Variants in POLR3A observed in about 807,000 individuals in gnomAD.
POLR3A encodes the protein RNA polymerase III subunit A.
POLR3A carries 112 observed loss-of-function variants against 152.8 expected under a neutral mutation model. The observed-to-expected ratio is 0.73, with a 90% CI of 0.63 to 0.86. The LOEUF (loss-of-function observed/expected upper bound fraction) is 0.86. Ranked by LOEUF, POLR3A falls within the 40% of genes least tolerant of loss-of-function variation. The pLI, the probability that POLR3A is intolerant of heterozygous loss-of-function variation, is 0.00. For synonymous variants in POLR3A, 615 were observed against 652.1 expected (o/e 0.94, Z 0.87); for missense variants, 1,385 against 1,743.1 (o/e 0.79, Z 3.66).
At chr10:78,016,743 G>A (rs1307234646) in intron 10 of POLR3A, among the ~76,000 whole-genome samples, 2 of 150,700 alleles carry the variant, frequency 1.3e-5, no homozygotes, top group Admixed American at 6.6e-5. Flanking sequence ...TGGCCATCAT[G>A]GCACATGCCT....
chr10:78,026,369 C>T, intron 1 of POLR3A, 140 bp from the exon 2 acceptor site: 1 of 830,786 alleles, frequency 1.2e-6, no homozygotes, highest in Non-Finnish European at 2.0e-6. Flanking sequence ...TATATTTAAC[C>T]CTCTCTCATT....
At chr10:78,007,910 T>C in intron 14 of POLR3A, 44 bp from the exon 15 acceptor site, 1 of 1,550,222 alleles carries the variant, frequency 6.5e-7, no homozygotes. Context: ...ATTTATTACT[T>C]TGCCTTATTC....
intron 19 of POLR3A, among the ~76,000 whole-genome samples, chr10:77,999,349 G>T (rs1336842262): frequency 6.6e-6 from 1 of 151,954 alleles, no homozygotes; most frequent in Non-Finnish European, 1.5e-5. Context: ...AGAGTACAGG[G>T]ATTGAAAAGA....
intron 20 of POLR3A, among the ~76,000 whole-genome samples, chr10:77,991,816 C>A (rs1368530187): frequency 6.6e-6 from 1 of 152,210 alleles, no homozygotes; most frequent in Non-Finnish European, 1.5e-5. Context: ...TGAGCCCCAG[C>A]AGAATTTCCT....
intron 19 of POLR3A, among the ~76,000 whole-genome samples, chr10:77,996,235 C>T (rs1177186714): frequency 6.6e-6 from 1 of 152,154 alleles, no homozygotes; most frequent in East Asian, 1.9e-4. Context: ...GACACCCTAA[C>T]ATCACAATTA....
chr10:78,027,957 G>A lies in POLR3A; in HGVS notation c.44+1407C>T, dbSNP rs570371195. 2.6e-5 allele frequency among the ~76,000 whole-genome samples: 4 copies of A among 152,302 alleles called. No individual in the cohort carries two copies. The South Asian group carries it at 8.3e-4, about 32-fold the overall frequency. ...GTATTATATCTGACTGGGCGCAGGT[G>A]TACAGGTGGGTGTGAAGGGCCAGTG... On this transcript the variant is annotated intron_variant, in intron 1 of 30. Transcript: ENST00000372371.
chr10:78,013,693 G>T lies in POLR3A; in HGVS notation c.1529C>A (p.Pro510His). 1 of 1,614,032 alleles carries T rather than the reference G, an allele frequency of 6.2e-7. No homozygotes were observed. Among genetic ancestry groups the T allele is most frequent in the Non-Finnish European group, 8.5e-7 (1 of 1,179,968 alleles). ...CTCTGCTTTAGCTTCTTCTGTTTGA[G>T]GAAGATGAAGGTTCATTTCATCACC... ...FDGDEMNLHL[P>H]QTEEAKAEAL... The change falls in exon 11 of 31, where the codon CCT becomes CAT. Residue 510 changes from proline (P) to histidine (H), a missense_variant. Pro to His is a moderately conservative substitution (Grantham distance 77). Coordinates refer to ENST00000372371, the MANE Select transcript of POLR3A (RefSeq NM_007055.4).
rs987025553 is a variant in POLR3A at position 78,002,903 on chromosome 10, A to G, written c.2248-595T>C. 3.3e-5 allele frequency among the ~76,000 whole-genome samples: 5 copies of G among 152,354 alleles called. No homozygotes were observed. In the East Asian group the frequency reaches 9.6e-4, roughly 29 times the overall value. On this transcript the variant is annotated intron_variant, in intron 16 of 30. Transcript: ENST00000372371. ...TATGGCTTTGTGTATACTACCCTAC[A>G]CAACAAAATATCTGTATATAAATAG...
At chr10:78,010,355 A>T in intron 12 of POLR3A, 116 bp downstream of exon 12, 1 of 914,538 alleles carries the variant, frequency 1.1e-6, no homozygotes, top group Non-Finnish European at 1.8e-6. Context: ...TAAACAAAAA[A>T]CCAAATTAAA....
Position 77,985,151 on chromosome 10 carries a change from A to C in POLR3A, c.3242+19T>G. On this transcript the variant is annotated intron_variant, in intron 24 of 30. Transcript: ENST00000372371. ...CAGGACAGGCATGTGTGGAACAAGA[A>C]GGAAATGAAAGCAGGCACCTGATGG... is the stretch of plus-strand genomic sequence containing the variant. 1 of 1,604,604 alleles carries C rather than the reference A, an allele frequency of 6.2e-7. No individual in the cohort carries two copies. Among genetic ancestry groups the C allele is most frequent in the Non-Finnish European group, 8.5e-7 (1 of 1,171,248 alleles).
At chr10:78,020,516 C>T (rs1287309153) in intron 8 of POLR3A, among the ~76,000 whole-genome samples, 13 of 150,530 alleles carry the variant, frequency 8.6e-5, no homozygotes, top group Non-Finnish European at 1.2e-4. Flanking sequence ...AGGCCGGATG[C>T]GGTGGCTCAT....
At chr10:78,027,714 G>A (rs894833705) in intron 1 of POLR3A, among the ~76,000 whole-genome samples, 4 of 151,640 alleles carry the variant, frequency 2.6e-5, no homozygotes, top group African/African-American at 9.7e-5. Context: ...ATGCGCCACC[G>A]CACCCAGCTA....
intron 19 of POLR3A, among the ~76,000 whole-genome samples, chr10:77,994,451 T>C (rs1847278953): frequency 1.3e-5 from 2 of 151,708 alleles, no homozygotes; most frequent in South Asian, 4.2e-4. Flanking sequence ...CCCAGCAACT[T>C]GTAGTGTTGA....
In POLR3A at chr10:78,029,503, C is replaced by A; in HGVS notation, c.-96G>T. 8.0e-7 allele frequency: 1 copy of A among 1,249,366 alleles called. No individual in the cohort carries two copies. The allele number at this position is 1,249,366 out of a possible 1,614,324, so 77.4% of individuals were successfully genotyped here. A position where few individuals can be genotyped will look rare whatever the true frequency, so the allele number is the denominator to read the frequency against. On this transcript the variant is annotated 5_prime_UTR_variant, in exon 1 of 31. An upstream open reading frame in the 5' UTR loses its in-frame stop. Coordinates refer to ENST00000372371, the MANE Select transcript of POLR3A (RefSeq NM_007055.4). ...CCTGGGGCTGCTTCTGGACTCGCCG[C>A]TAACACATCTGCGGCATCCTCTCGG...
At chr10:77,996,273 C>T (rs1052583066) in intron 19 of POLR3A, among the ~76,000 whole-genome samples, 4 of 152,090 alleles carry the variant, frequency 2.6e-5, no homozygotes, top group African/African-American at 9.7e-5. Flanking sequence ...AGAGCAAACA[C>T]ATTCAAAAGC....
chr10:77,982,423 A>G (rs1329636929), intron 27 of POLR3A, 105 bp from the exon 28 acceptor site: 16 of 1,144,470 alleles, frequency 1.4e-5, no homozygotes, highest in Middle Eastern at 2.0e-4. Context: ...TTAACACACT[A>G]GAGCTAGTTT....
intron 11 of POLR3A, 96 bp from the exon 12 acceptor site, chr10:78,010,636 TAC>T (rs1589313949): frequency 1.1e-6 from 1 of 882,310 alleles, no homozygotes; most frequent in Non-Finnish European, 1.9e-6. Flanking sequence ...TATGAACAAA[TAC>T]AGAGTAGCAG....
At chr10:77,991,982 G>GT (rs1847254184) in intron 20 of POLR3A, among the ~76,000 whole-genome samples, 1 of 152,206 alleles carries the variant, frequency 6.6e-6, no homozygotes. Flanking sequence ...TCTTGGCATA[G>GT]TTAGACCATT....
intron 1 of POLR3A, among the ~76,000 whole-genome samples, chr10:78,026,602 C>T (rs556319485): frequency 1.6e-4 from 24 of 152,358 alleles, no homozygotes; most frequent in African/African-American, 5.5e-4. Flanking sequence ...TTCTTCCCTT[C>T]TCTGGCTGCT....
Sources: gnomAD v4.1 joint callset for allele counts (sites outside exome capture counted in the v4.1 genomes callset) on GRCh38, gnomAD v4.1.1 for gene constraint, MANE v1.5 for transcripts, NCBI Gene and HGNC (gene_info 2026-07-23, HGNC 2026-07-21) for gene names.